The following RPS6 variants were observed in gnomAD, a reference collection of about 807,000 sequenced individuals.
RPS6 encodes the protein small ribosomal subunit protein eS6.
RPS6 carries 1 observed loss-of-function variant against 27.1 expected under a neutral mutation model. The observed-to-expected ratio is 0.04, with a 90% CI of 0.01 to 0.18. The LOEUF (loss-of-function observed/expected upper bound fraction) is 0.18. Among genes scored for constraint, RPS6 ranks in the 10% least tolerant of loss-of-function variants. RPS6 has a pLI of 1.00. For missense variants in RPS6, 259 were observed against 319.1 expected, an observed-to-expected ratio of 0.81 and a Z score of 1.44; for synonymous variants, 152 against 106.0, an observed-to-expected ratio of 1.43 and a Z score of -2.66.
chr9:19,379,649 G>C (rs1459203060), intron 1 of RPS6, 31 bp from the exon 2 acceptor site: 2 of 1,598,710 alleles, frequency 1.3e-6, no homozygotes, highest in Non-Finnish European at 1.7e-6. Context: ...AATAGTTTAC[G>C]AAACTATCTA....
intron 4 of RPS6, chr9:19,376,906 G>T: frequency 2.8e-6 from 1 of 352,090 alleles, no homozygotes; most frequent in Non-Finnish European, 5.1e-6. Context: ...CTACCTTCCA[G>T]TTTTACTAAA....
intron 5 of RPS6, 49 bp from the exon 6 acceptor site, chr9:19,376,437 C>T (rs758751046): frequency 5.1e-5 from 83 of 1,612,324 alleles, no homozygotes; most frequent in Admixed American, 5.0e-4. Context: ...GGGTTAAAGA[C>T]GCAAATCCAA....
intron 4 of RPS6, 70 bp downstream of exon 4, chr9:19,378,298 C>T (rs1328406399): frequency 1.4e-5 from 21 of 1,474,528 alleles, no homozygotes; most frequent in Non-Finnish European, 2.0e-5. Flanking sequence ...TATTTATCTT[C>T]TGATATGCAC....
At chr9:19,378,682 G>T in intron 3 of RPS6, 26 bp downstream of exon 3, 1 of 1,609,880 alleles carries the variant, frequency 6.2e-7, no homozygotes, top group South Asian at 1.1e-5. Context: ...CAATTTCAAC[G>T]AAAATTGAAC....
Position 19,379,268 on chromosome 9 carries a change from G to A in RPS6, c.138+219C>T, listed in dbSNP as rs149033767. On this transcript the variant is annotated intron_variant, in intron 2 of 5. Coordinates refer to ENST00000380394, the MANE Select transcript of RPS6 (RefSeq NM_001010.3). ...CATATTGCCAAATGCATGATGCAGG[G>A]CAAGAATTATGTTGATGTAAACTTT... The A allele has an allele frequency of 1.3e-4, 185 of 1,449,444 alleles. No homozygotes were observed. In the African/African-American group the frequency reaches 2.4e-3, roughly 19 times the overall value. The allele number at this position is 1,449,444 out of a possible 1,614,324, so 89.8% of individuals were successfully genotyped here. A position where few individuals can be genotyped will look rare whatever the true frequency, so the allele number is the denominator to read the frequency against.
Position 19,375,965 on chromosome 9 carries a change from A to G in RPS6, c.*328T>C, listed in dbSNP as rs1054912828. On this transcript the variant is annotated 3_prime_UTR_variant, in exon 6 of 6. Coordinates refer to ENST00000380394, the MANE Select transcript of RPS6 (RefSeq NM_001010.3). ...ATTGTGTATAGTGCTTTAAAGAGCT[A>G]TATTCCTCAAAAATAAACTATATAA... The G allele has an allele frequency of 1.1e-5, 2 of 187,062 alleles. No individual in the cohort carries two copies. Among genetic ancestry groups the G allele is most frequent in the African/African-American group, 4.7e-5 (2 of 42,656 alleles). The allele number at this position is 187,062 out of a possible 1,614,324, so 11.6% of individuals were successfully genotyped here. A position where few individuals can be genotyped will look rare whatever the true frequency, so the allele number is the denominator to read the frequency against.
chr9:19,379,854 G>A (rs922906621), intron 1 of RPS6: 9 of 1,424,030 alleles, frequency 6.3e-6, no homozygotes, highest in African/African-American at 1.4e-5. Flanking sequence ...CTGGGGGCGA[G>A]GGCACTCCGC....
intron 5 of RPS6, 24 bp from the exon 6 acceptor site, chr9:19,376,412 A>C (rs1277670328): frequency 1.2e-6 from 2 of 1,612,928 alleles, no homozygotes; most frequent in Admixed American, 3.3e-5. Context: ...AACAGCAAAC[A>C]GTTAAGGCCT....
In RPS6 at chr9:19,379,433, A is replaced by G. The variant is rs766025481; in HGVS notation, c.138+54T>C. The G allele has an allele frequency of 2.5e-6, 4 of 1,609,012 alleles. No individual in the cohort carries two copies. The Admixed American group carries it at 5.1e-5, about 20-fold the overall frequency. ...AACCCCATTCCAAATACCAGTTACC[A>G]ATGGCGTTTACCGTCTCTGACTTAA... is the stretch of plus-strand genomic sequence containing the variant. On this transcript the variant is annotated intron_variant, in intron 2 of 5. Coordinates refer to ENST00000380394, the MANE Select transcript of RPS6 (RefSeq NM_001010.3).
chr9:19,379,932 GGCAACACGCC>G (rs1589014351), intron 1 of RPS6: 9 of 1,433,430 alleles, frequency 6.3e-6, no homozygotes, highest in Non-Finnish European at 8.2e-6. Flanking sequence ...CCGCAAACTG[GGCAACACGCC>G]GCATCCGTCC....
At chr9:19,377,118 C>A (rs534544514) in intron 4 of RPS6, among the ~76,000 whole-genome samples, 99 of 152,230 alleles carry the variant, frequency 6.5e-4, no homozygotes, top group Non-Finnish European at 8.8e-4. Context: ...GTTAAAGTAT[C>A]TTCATTAATC....
chr9:19,378,248 A>G, intron 4 of RPS6, 120 bp downstream of exon 4: 1 of 973,222 alleles, frequency 1.0e-6, no homozygotes, highest in Non-Finnish European at 1.5e-6. Flanking sequence ...TTTTCTGTAA[A>G]AACTCCAAGT....
rs1829633612 is a variant in RPS6 at position 19,378,945 on chromosome 9, A to G, written c.139-27T>C. 4 of 1,603,296 alleles carry G rather than the reference A, an allele frequency of 2.5e-6. 1 individual carries two copies. The highest frequency in any genetic ancestry group is 2.2e-5 in the East Asian group (1 of 44,690). ...TGCAAGAGCATACAATGAATGACAC[A>G]TTTACTATTTCTATTCCAAAATTAT... On this transcript the variant is annotated intron_variant, in intron 2 of 5. Transcript: ENST00000380394.
In RPS6 at chr9:19,378,804, T is replaced by G. The variant is rs1265239890; in HGVS notation, c.253A>C (p.Arg85=). 18 of 1,614,086 alleles carry G rather than the reference T, an allele frequency of 1.1e-5. No homozygotes were observed. Among genetic ancestry groups the G allele is most frequent in the South Asian group, 9.9e-5 (9 of 91,082 alleles). ...TTTCTTTCTCCAGTTCTCCTTGGTCTGTAACAGGAATGCCCCTTACTCAGT... is the reference window on the plus strand; with the variant it reads ...TTTCTTTCTCCAGTTCTCCTTGGTCGGTAACAGGAATGCCCCTTACTCAGT... The part of the protein sequence containing the change: ...LLLSKGHSCY[R]PRRTGERKRK... Residue 85 remains arginine, a synonymous_variant, in exon 3 of 6, where the codon AGA becomes CGA. Transcript: ENST00000380394.
Position 19,378,438 on chromosome 9 carries a change from G to A in RPS6, c.426C>T (p.Arg142=), listed in dbSNP as rs1162856941. 1 of 1,613,992 alleles carries A rather than the reference G, an allele frequency of 6.2e-7. No homozygotes were observed. Residue 142 remains arginine, a synonymous_variant, in exon 4 of 6, where the codon CGC becomes CGT. Coordinates refer to ENST00000380394, the MANE Select transcript of RPS6 (RefSeq NM_001010.3). ...CTTCTTTAGAGAGATTGAAAAGTTT[G>A]CGGATTCTGCTAGCTCTTTTGGGGC... ...RLGPKRASRI[R]KLFNLSKEDD... is the part of the protein sequence containing the mutation.
Position 19,378,723 on chromosome 9 carries a change from C to T in RPS6, c.334G>A (p.Val112Ile). ...TAACCCTCACCTTTTTTTACAATAA[C>T]CAAGTTGAGAACGCTCAGATTTGCA... ...VDANLSVLNL[V>I]IVKKGEKDIP... Residue 112 changes from valine (V) to isoleucine (I), a missense_variant, in exon 3 of 6, where the codon GTT (valine) becomes ATT (isoleucine). Around this residue, in one of 3 missense-constraint regions of RPS6, gnomAD observed 191 missense variants for 231.6 expected, o/e 0.82. Transcript: ENST00000380394. 1.2e-6 allele frequency: 2 copies of T among 1,614,026 alleles called. No individual in the cohort carries two copies. The highest frequency in any genetic ancestry group is 1.7e-6 in the Non-Finnish European group (2 of 1,179,952).
At chr9:19,379,124 T>G in intron 2 of RPS6, 1 of 773,442 alleles carries the variant, frequency 1.3e-6, no homozygotes, top group South Asian at 1.9e-5. Flanking sequence ...TCAAGTCGCA[T>G]TTCTAACCGA....
At position 19,380,170 on chromosome 9, in the gene RPS6, C is replaced by T. The variant is rs748924235; in HGVS notation, c.6+20G>A. 2 of 1,614,090 alleles carry T rather than the reference C, an allele frequency of 1.2e-6. No homozygotes were observed. Among genetic ancestry groups the T allele is most frequent in the Admixed American group, 3.3e-5 (2 of 60,022 alleles). ...TTCACGTTCCCCAAACCCAGTCTAACACTCGCCACCATCACCTACCTTCAT... is the reference window on the plus strand; with the variant it reads ...TTCACGTTCCCCAAACCCAGTCTAATACTCGCCACCATCACCTACCTTCAT... On this transcript the variant is annotated intron_variant, in intron 1 of 5. Coordinates refer to ENST00000380394, the MANE Select transcript of RPS6 (RefSeq NM_001010.3).
chr9:19,378,750 C>G lies in RPS6; in HGVS notation c.307G>C (p.Asp103His). Residue 103 changes from aspartate to histidine, a missense_variant, in exon 3 of 6, where the codon GAT becomes CAT. By Grantham distance (81) the Asp-to-His change is moderately conservative (BLOSUM62 -1). Transcript: ENST00000380394. ...AAGTTGAGAACGCTCAGATTTGCAT[C>G]CACAATGCAACCACGAACTGATTTT... ...KRKSVRGCIV[D>H]ANLSVLNLVI... is the part of the protein sequence containing the mutation. 5.0e-6 allele frequency: 8 copies of G among 1,614,116 alleles called. No homozygotes were observed. The highest frequency in any genetic ancestry group is 6.8e-6 in the Non-Finnish European group (8 of 1,179,986).
Sources: gnomAD v4.1 joint callset for allele counts (sites outside exome capture counted in the v4.1 genomes callset) on GRCh38, gnomAD v4.1.1 for gene constraint, gnomAD v4.1.1 regional missense constraint, MANE v1.5 for transcripts, NCBI Gene and HGNC (gene_info 2026-07-23, HGNC 2026-07-21) for gene names.